Variants in FBXO34 observed in about 807,000 individuals in gnomAD.
FBXO34 encodes the protein F-box only protein 34.
Under a neutral mutation model 24.5 loss-of-function variants are expected in FBXO34, and 12 were observed. The observed-to-expected ratio is 0.49, with a 90% CI of 0.31 to 0.79. The LOEUF (loss-of-function observed/expected upper bound fraction) is 0.79, where lower values mean the gene tolerates loss of function less well. Among genes scored for constraint, FBXO34 ranks in the 30% least tolerant of loss-of-function variants. The probability of loss-of-function intolerance (pLI) is 0.04; values close to 1 mark genes in which losing one functional copy is unlikely to be tolerated. For missense variants in FBXO34, 823 were observed against 857.7 expected (o/e 0.96, Z 0.51); for synonymous variants, 320 against 311.9 (o/e 1.03, Z -0.27).
chr14:55,368,996 G>A (rs1884748142), downstream of FBXO34: 1 of 152,522 alleles, frequency 6.6e-6, no homozygotes, highest in Admixed American at 6.6e-5. Context: ...ATTTTCTTTG[G>A]TGTGTGGGGG....
At chr14:55,420,043 C>T in the FBXO34 span, among the ~76,000 whole-genome samples, 1 of 152,136 alleles carries the variant, frequency 6.6e-6, no homozygotes, top group Non-Finnish European at 1.5e-5. Flanking sequence ...GAGGTGTTCA[C>T]CTGAAATTAG....
chr14:55,411,469 G>A, the FBXO34 span: 14 of 896,230 alleles, frequency 1.6e-5, 1 homozygote, highest in South Asian at 2.2e-4. Context: ...AGAGCAGCTA[G>A]CTACACTCCC....
downstream of FBXO34, among the ~76,000 whole-genome samples, chr14:55,364,960 G>A (rs111312961): frequency 0.018 from 2,761 of 149,772 alleles, 23 homozygotes; most frequent in Middle Eastern, 0.056. Flanking sequence ...GCTCACGCCC[G>A]TAATCTCAGC....
At position 55,331,687 on chromosome 14, in the gene FBXO34, GTATA is replaced by G. The variant is rs199998638; in HGVS notation, c.-10-18680_-10-18677del. 1.7e-4 allele frequency among the ~76,000 whole-genome samples: 5 copies of G among 28,896 alleles called. 1 individual carries two copies. Among genetic ancestry groups the G allele is most frequent in the Admixed American group, 3.0e-4 (1 of 3,280 alleles). 19.0% of individuals were successfully genotyped at this position (28,896 alleles called of 152,430 possible). On this transcript the variant is annotated intron_variant, in intron 1 of 1. Coordinates refer to ENST00000313833, the MANE Select transcript of FBXO34 (RefSeq NM_017943.4). Reference sequence around the variant, plus strand: ...ATGGTGTGTGTATATATATATATGTGTATATATATATATATATGTATATATATAT... The same window carrying G: ...ATGGTGTGTGTATATATATATATGTGTATATATATATATGTATATATATAT...
At chr14:55,311,578 G>C (rs1357558655) in intron 1 of FBXO34, among the ~76,000 whole-genome samples, 1 of 152,174 alleles carries the variant, frequency 6.6e-6, no homozygotes, top group Non-Finnish European at 1.5e-5. Context: ...TCAAAAGCAA[G>C]TTAGTTACTT....
chr14:55,442,475 C>G, the FBXO34 span, among the ~76,000 whole-genome samples: 1 of 151,854 alleles, frequency 6.6e-6, no homozygotes, highest in African/African-American at 2.4e-5. Flanking sequence ...ATTTTGATAA[C>G]TAATTTTAAT....
At chr14:55,331,703 A>ATAACAACATGG (rs1257688415) in intron 1 of FBXO34, among the ~76,000 whole-genome samples, 1 of 63,254 alleles carries the variant, frequency 1.6e-5, no homozygotes. Flanking sequence ...ATATATATAT[A>ATAACAACATGG]TGTATATATA....
At chr14:55,403,509 A>T in the FBXO34 span, among the ~76,000 whole-genome samples, 5 of 152,238 alleles carry the variant, frequency 3.3e-5, no homozygotes, top group African/African-American at 1.2e-4. Flanking sequence ...AATAGTAAAT[A>T]AACAGAAAAA....
chr14:55,366,297 T>A (rs1056657174), downstream of FBXO34: 9 of 152,762 alleles, frequency 5.9e-5, no homozygotes, highest in Non-Finnish European at 1.2e-4. Context: ...TTCTATAATT[T>A]GTATAAAGTA....
At chr14:55,354,098 A>T (rs1286347350), downstream of FBXO34, among the ~76,000 whole-genome samples, 2 of 152,124 alleles carry the variant, frequency 1.3e-5, no homozygotes, top group Non-Finnish European at 2.9e-5. Flanking sequence ...TGCTGGGCTG[A>T]TGTGCTTGGT....
intron 1 of FBXO34, among the ~76,000 whole-genome samples, chr14:55,304,115 A>T (rs1594739787): frequency 1.3e-5 from 2 of 152,336 alleles, no homozygotes; most frequent in South Asian, 4.1e-4. Context: ...GAGTTAGCAT[A>T]TATCTTAATT....
the FBXO34 span, among the ~76,000 whole-genome samples, chr14:55,384,119 A>C: frequency 1.3e-5 from 2 of 152,226 alleles, no homozygotes; most frequent in Admixed American, 1.3e-4. Context: ...AGAGAAAGGC[A>C]AACAAGAAAC....
chr14:55,310,737 C>G (rs1882707978), intron 1 of FBXO34, among the ~76,000 whole-genome samples: 1 of 152,126 alleles, frequency 6.6e-6, no homozygotes, highest in African/African-American at 2.4e-5. Context: ...TAAGTGAAAA[C>G]ATGTGTATCT....
the FBXO34 span, chr14:55,440,657 G>T: frequency 5.6e-6 from 7 of 1,239,994 alleles, no homozygotes; most frequent in South Asian, 1.1e-4. Flanking sequence ...CCCAGCTACC[G>T]GCCCATGGGC....
At chr14:55,421,645 T>G in the FBXO34 span, among the ~76,000 whole-genome samples, 1 of 152,114 alleles carries the variant, frequency 6.6e-6, no homozygotes, top group Non-Finnish European at 1.5e-5. Flanking sequence ...GTATTTTCAG[T>G]AGAGATGGGG....
chr14:55,350,158 T>C (rs952666088), intron 1 of FBXO34, among the ~76,000 whole-genome samples: 19 of 134,258 alleles, frequency 1.4e-4, no homozygotes, highest in African/African-American at 4.8e-4. Context: ...ATTTATTTTC[T>C]GTAAAAAAAA....
chr14:55,382,784 A>G, the FBXO34 span, among the ~76,000 whole-genome samples: 1 of 152,328 alleles, frequency 6.6e-6, no homozygotes, highest in Admixed American at 6.5e-5. Flanking sequence ...AAGGTTCTCA[A>G]ACTACTTGGT....
intron 1 of FBXO34, among the ~76,000 whole-genome samples, chr14:55,291,166 C>T (rs1881933738): frequency 6.6e-6 from 1 of 152,114 alleles, no homozygotes; most frequent in South Asian, 2.1e-4. Flanking sequence ...AGAAGGGGAA[C>T]TACTGGATCA....
intron 1 of FBXO34, among the ~76,000 whole-genome samples, chr14:55,347,984 A>G (rs1884213796): frequency 6.6e-6 from 1 of 152,242 alleles, no homozygotes; most frequent in Non-Finnish European, 1.5e-5. Flanking sequence ...TAGTTGGCAC[A>G]GAGAGCACTA....
Sources: gnomAD v4.1 joint callset for allele counts (sites outside exome capture counted in the v4.1 genomes callset) on GRCh38, gnomAD v4.1.1 for gene constraint, MANE v1.5 for transcripts, NCBI Gene and HGNC (gene_info 2026-07-23, HGNC 2026-07-21) for gene names.